TIMM22: variants seen among roughly 807,000 people sequenced by gnomAD.
TIMM22 encodes the protein translocase of inner mitochondrial membrane 22, also known as mitochondrial import inner membrane translocase subunit Tim22.
In TIMM22, 12 loss-of-function variants were observed where a neutral mutation model predicts 18.3. The observed-to-expected ratio is 0.65, with a 90% confidence interval of 0.42 to 1.06. The LOEUF (loss-of-function observed/expected upper bound fraction) is 1.06, where lower values mean the gene tolerates loss of function less well. Among genes scored for constraint, TIMM22 ranks in the 50% least tolerant of loss-of-function variants. The pLI is 0.00. For synonymous variants in TIMM22, 107 were observed against 98.5 expected (o/e 1.09, Z -0.51); for missense variants, 278 against 252.8 (o/e 1.10, Z -0.68).
chr17:997,310 T>G lies in TIMM22; in HGVS notation c.168T>G (p.Ser56Arg), dbSNP rs370139977. Residue 56 changes from serine (S) to arginine (R), a missense_variant, in exon 1 of 4, where the codon AGT (serine) becomes AGG (arginine). Transcript: ENST00000327158. ...SLGGIPSPAK[S>R]EEQKMIEKAM... ...GCGGGATCCCAAGTCCAGCCAAGAGTGAGGAGCAGAAGATGATCGAGAAGG... is the reference window on the plus strand; with the variant it reads ...GCGGGATCCCAAGTCCAGCCAAGAGGGAGGAGCAGAAGATGATCGAGAAGG... 1.2e-6 allele frequency: 2 copies of G among 1,612,918 alleles called. No homozygotes were observed. The highest frequency in any genetic ancestry group is 2.2e-5 in the South Asian group (2 of 91,030).
chr17:1,002,065 G>C lies in TIMM22; in HGVS notation c.*977G>C, dbSNP rs940658204. 6.6e-6 allele frequency: 1 copy of C among 151,972 alleles called. No individual in the cohort carries two copies. Among genetic ancestry groups the C allele is most frequent in the East Asian group, 1.9e-4 (1 of 5,186 alleles). The allele number at this position is 151,972 out of a possible 1,614,324, so 9.4% of individuals were successfully genotyped here. A position where few individuals can be genotyped will look rare whatever the true frequency, so the allele number is the denominator to read the frequency against. On this transcript the variant is annotated 3_prime_UTR_variant, in exon 4 of 4. Coordinates refer to ENST00000327158, the MANE Select transcript of TIMM22 (RefSeq NM_013337.4). Reference sequence around the variant, plus strand: ...TGTTCACCACCATCCTCGTTCTCCAGGGTCAAGGAAGTGTTTTAACATGTC... The same window carrying C: ...TGTTCACCACCATCCTCGTTCTCCACGGTCAAGGAAGTGTTTTAACATGTC...
rs151141280 is a variant in TIMM22, at chr17:997,226, C to T, written c.84C>T (p.Leu28=). The change falls in exon 1 of 4, where the codon CTC becomes CTT. Residue 28 remains leucine (L), a synonymous_variant. Transcript: ENST00000327158. Reference sequence around the variant, plus strand: ...AAGCTCCGCTGCAGTACAGCCTGCTCCTGCAGTACCTGGTGGGTGACAAGC... The same window carrying T: ...AAGCTCCGCTGCAGTACAGCCTGCTTCTGCAGTACCTGGTGGGTGACAAGC... ...SAEAPLQYSL[L]LQYLVGDKRQ... 20 of 1,613,272 alleles carry T rather than the reference C, an allele frequency of 1.2e-5. No individual in the cohort carries two copies. In the Admixed American group the frequency reaches 3.2e-4, roughly 26 times the overall value.
chr17:999,634 G>A (rs751966628), intron 3 of TIMM22, 50 bp downstream of exon 3: 2 of 1,553,748 alleles, frequency 1.3e-6, no homozygotes, highest in Admixed American at 1.7e-5. Context: ...TGGACAACGT[G>A]CTGAGGTTGT....
intron 2 of TIMM22, among the ~76,000 whole-genome samples, 200 bp downstream of exon 2, chr17:999,175 T>G (rs1419464006): frequency 6.6e-6 from 1 of 151,894 alleles, no homozygotes; most frequent in Non-Finnish European, 1.5e-5. Context: ...CTTGCATTAT[T>G]TTTTACTTTT....
chr17:1,002,932 G>T lies in TIMM22; in HGVS notation c.*1844G>T, dbSNP rs1479697155. The T allele has an allele frequency of 6.6e-6, 1 of 152,066 alleles. No individual in the cohort carries two copies. Among genetic ancestry groups the T allele is most frequent in the African/African-American group, 2.4e-5 (1 of 41,398 alleles). 9.4% of individuals were successfully genotyped at this position (152,066 alleles called of 1,614,324 possible). On this transcript the variant is annotated 3_prime_UTR_variant, in exon 4 of 4. Transcript: ENST00000327158. ...GAGAGATGAATAGTTTCCTGTTTTC[G>T]ATGGCTGGGGAGCCAGTATGAGCTC... is the stretch of plus-strand genomic sequence containing the variant.
In TIMM22 at chr17:1,001,423, T is replaced by G. The variant is rs1227372032; in HGVS notation, c.*335T>G. 1.8e-5 allele frequency: 5 copies of G among 284,248 alleles called. No homozygotes were observed. Among genetic ancestry groups the G allele is most frequent in the East Asian group, 1.8e-4 (2 of 10,978 alleles). 17.6% of individuals were successfully genotyped at this position (284,248 alleles called of 1,614,324 possible). On this transcript the variant is annotated 3_prime_UTR_variant, in exon 4 of 4. Transcript: ENST00000327158. ...AGCTGGCCCTCTAGGTTGTTTGGTG[T>G]TGTGGGCACAGAGGTGACAGTGTCT...
rs1480876568 is a variant in TIMM22, at chr17:1,001,102, C to T, written c.*14C>T. Reference sequence around the variant, plus strand: ...TACCTCCGGTGAGAGTAATTGCCTGCAGGGAAGGATGATGCCAGCCCCGGA... The same window carrying T: ...TACCTCCGGTGAGAGTAATTGCCTGTAGGGAAGGATGATGCCAGCCCCGGA... On this transcript the variant is annotated 3_prime_UTR_variant, in exon 4 of 4. Coordinates refer to ENST00000327158, the MANE Select transcript of TIMM22 (RefSeq NM_013337.4). 1 of 1,613,102 alleles carries T rather than the reference C, an allele frequency of 6.2e-7. No homozygotes were observed. The highest frequency in any genetic ancestry group is 1.7e-5 in the Admixed American group (1 of 60,008).
Position 997,267 on chromosome 17 carries a change from TGGAGCCTG to T in TIMM22, c.136_143del (p.Ser46ArgfsTer9). 2 of 1,613,548 alleles carry T rather than the reference TGGAGCCTG, an allele frequency of 1.2e-6. No homozygotes were observed. The highest frequency in any genetic ancestry group is 1.6e-4 in the Middle Eastern group (1 of 6,080). On this transcript the variant is annotated frameshift_variant, in exon 1 of 4. Transcript: ENST00000327158. LOFTEE classifies it high-confidence loss of function. ...GGTGACAAGCGTCAGCCCCGGCTCC[TGGAGCCTG>T]GGAGCCTGGGCGGGATCCCAAGTCC...
intron 1 of TIMM22, 75 bp from the exon 2 acceptor site, chr17:998,704 C>A: frequency 6.7e-7 from 1 of 1,485,070 alleles, no homozygotes; most frequent in South Asian, 1.3e-5. Context: ...AAAGCATGGT[C>A]CCTTCCAGGA....
intron 1 of TIMM22, among the ~76,000 whole-genome samples, chr17:998,454 G>C (rs965621746): frequency 6.6e-6 from 1 of 152,244 alleles, no homozygotes; most frequent in Non-Finnish European, 1.5e-5. Context: ...CAGTGGCCAA[G>C]AGAGTGATTT....
rs1365515784 is a variant in TIMM22 at position 999,356 on chromosome 17, T to TAC, written c.436-155_436-154insCA. ...ATATATATATATATATATATATATA[T>TAC]ATACACGCTGTATACTTAGGAACTA... On this transcript the variant is annotated intron_variant, in intron 2 of 3. Transcript: ENST00000327158. 5.1e-3 allele frequency among the ~76,000 whole-genome samples: 575 copies of TAC among 113,818 alleles called. 5 individuals are homozygous for TAC. Among genetic ancestry groups the TAC allele is most frequent in the African/African-American group, 0.018 (541 of 29,886 alleles). 74.7% of individuals were successfully genotyped at this position (113,818 alleles called of 152,430 possible). A position where few individuals can be genotyped will look rare whatever the true frequency, so the allele number is the denominator to read the frequency against.
Position 1,001,207 on chromosome 17 carries a change from A to G in TIMM22, c.*119A>G. ...GGCCTGAAGACATTCATTTTCCCTCATGTCGTTGGTATTCTGAGGGAGCTG... is the reference window on the plus strand; with the variant it reads ...GGCCTGAAGACATTCATTTTCCCTCGTGTCGTTGGTATTCTGAGGGAGCTG... On this transcript the variant is annotated 3_prime_UTR_variant, in exon 4 of 4. Coordinates refer to ENST00000327158, the MANE Select transcript of TIMM22 (RefSeq NM_013337.4). The G allele has an allele frequency of 8.8e-7, 1 of 1,131,834 alleles. No homozygotes were observed. Among genetic ancestry groups the G allele is most frequent in the Non-Finnish European group, 1.3e-6 (1 of 767,356 alleles). 70.1% of individuals were successfully genotyped at this position (1,131,834 alleles called of 1,614,324 possible).
chr17:999,012 G>A, intron 2 of TIMM22, 37 bp downstream of exon 2: 1 of 1,569,712 alleles, frequency 6.4e-7, no homozygotes, highest in Non-Finnish European at 8.7e-7. Flanking sequence ...CCTTGCTGGG[G>A]CCACCATTTC....
intron 3 of TIMM22, among the ~76,000 whole-genome samples, 160 bp from the exon 4 acceptor site, chr17:1,000,852 T>C (rs1299710618): frequency 1.3e-5 from 2 of 152,240 alleles, no homozygotes; most frequent in African/African-American, 4.8e-5. Context: ...GATTAGATCA[T>C]ATACACTGCT....
At position 1,001,084 on chromosome 17, in the gene TIMM22, G is replaced by T. The variant is rs200438742; in HGVS notation, c.581G>T (p.Arg194Leu). ...TCTGCTGCGATTGATTATTACCTCC[G>T]GTGAGAGTAATTGCCTGCAGGGAAG... ...AFSAAIDYYL[R>L] Residue 194 changes from arginine (R) to leucine (L), a missense_variant, in exon 4 of 4, where the codon CGG (arginine) becomes CTG (leucine). Transcript: ENST00000327158. 1 of 1,613,670 alleles carries T rather than the reference G, an allele frequency of 6.2e-7. No individual in the cohort carries two copies. Among genetic ancestry groups the T allele is most frequent in the South Asian group, 1.1e-5 (1 of 91,044 alleles).
chr17:999,491 C>G (rs754549024), intron 2 of TIMM22, 21 bp from the exon 3 acceptor site: 34 of 1,612,478 alleles, frequency 2.1e-5, no homozygotes, highest in Non-Finnish European at 2.9e-5. Context: ...TTGGCTCTAA[C>G]GTGTACTTCC....
At position 1,003,606 on chromosome 17, in the gene TIMM22, A is replaced by C. The variant is rs555149551; in HGVS notation, c.*2518A>C. ...ACATCAATTTATAATAATCTACATAAGTTGAAACAGAACATAGACAAAAAA... is the reference window on the plus strand; with the variant it reads ...ACATCAATTTATAATAATCTACATACGTTGAAACAGAACATAGACAAAAAA... On this transcript the variant is annotated 3_prime_UTR_variant, in exon 4 of 4. Coordinates refer to ENST00000327158, the MANE Select transcript of TIMM22 (RefSeq NM_013337.4). The C allele has an allele frequency of 1.3e-5, 2 of 152,724 alleles. No homozygotes were observed. Among genetic ancestry groups the C allele is most frequent in the Admixed American group, 1.3e-4 (2 of 15,310 alleles). 9.5% of individuals were successfully genotyped at this position (152,724 alleles called of 1,614,324 possible). A position where few individuals can be genotyped will look rare whatever the true frequency, so the allele number is the denominator to read the frequency against.
intron 3 of TIMM22, among the ~76,000 whole-genome samples, chr17:1,000,128 C>T (rs1369748378): frequency 6.6e-6 from 1 of 152,028 alleles, no homozygotes; most frequent in African/African-American, 2.4e-5. Flanking sequence ...TCGTGATCTG[C>T]CTGCCTCAGC....
Position 997,264 on chromosome 17 carries a change from T to A in TIMM22, c.122T>A (p.Leu41His), listed in dbSNP as rs1344678553. 4 of 1,613,598 alleles carry A rather than the reference T, an allele frequency of 2.5e-6. No individual in the cohort carries two copies. The highest frequency in any genetic ancestry group is 3.4e-6 in the Non-Finnish European group (4 of 1,179,958). ...YLVGDKRQPRLLEPGSLGGIP... is the reference protein window; with the variant it reads ...YLVGDKRQPRHLEPGSLGGIP... ...GTGGGTGACAAGCGTCAGCCCCGGC[T>A]CCTGGAGCCTGGGAGCCTGGGCGGG... The change falls in exon 1 of 4, where the codon CTC becomes CAC. Residue 41 changes from leucine (L) to histidine (H), a missense_variant. Leu to His is a moderately conservative substitution (Grantham distance 99, BLOSUM62 -3). Transcript: ENST00000327158.
Sources: allele counts gnomAD v4.1 joint callset (sites outside exome capture counted in the v4.1 genomes callset), GRCh38; gene constraint gnomAD v4.1.1; transcripts MANE v1.5; gene names NCBI Gene and HGNC (gene_info 2026-07-23, HGNC 2026-07-21).